BPI: variants seen among roughly 807,000 people sequenced by gnomAD.
BPI encodes bactericidal permeability increasing protein.
A neutral mutation model predicts 57.6 loss-of-function variants in BPI; 48 were observed. The ratio of observed to expected loss-of-function variants is 0.83; its 90% CI spans 0.66 to 1.06. The LOEUF (loss-of-function observed/expected upper bound fraction) is 1.06. BPI is among the 50% of genes least tolerant of loss of function. BPI has a pLI of 0.00. For missense variants in BPI, 651 were observed against 609.7 expected, an observed-to-expected ratio of 1.07 and a Z score of -0.71; for synonymous variants, 237 against 238.2, an observed-to-expected ratio of 0.99 and a Z score of 0.05.
In BPI at chr20:38,335,599, G is replaced by C. The variant is rs142119049; in HGVS notation, c.1338G>C (p.Glu446Asp). 6.2e-7 allele frequency: 1 copy of C among 1,613,838 alleles called. No homozygotes were observed. The highest frequency in any genetic ancestry group is 8.5e-7 in the Non-Finnish European group (1 of 1,179,842). The part of the protein sequence containing the change: ...VPILVLPRVN[E>D]KLQKGFPLPT... ...CCTCACCATCGGTCTCTGTCACAGA[G>C]AAACTACAGAAAGGCTTCCCTCTCC... Residue 446 changes from glutamate to aspartate, a missense_variant and splice_region_variant, in exon 14 of 15, where the codon GAG becomes GAC. By Grantham distance (45) the Glu-to-Asp change is conservative. Coordinates refer to ENST00000642449, the MANE Select transcript of BPI (RefSeq NM_001725.3).
chr20:38,322,221 A>T (rs2076689953), intron 7 of BPI, among the ~76,000 whole-genome samples: 1 of 152,136 alleles, frequency 6.6e-6, no homozygotes, highest in Non-Finnish European at 1.5e-5. Context: ...AGCTGCAGTG[A>T]TCATCCTTGC....
At chr20:38,334,759 C>A (rs533663232) in intron 13 of BPI, among the ~76,000 whole-genome samples, 4 of 152,174 alleles carry the variant, frequency 2.6e-5, no homozygotes, top group Non-Finnish European at 4.4e-5. Flanking sequence ...ACATCTCCAA[C>A]TTTTATGGCA....
chr20:38,335,754 T>C (rs1433392919), intron 14 of BPI, 80 bp downstream of exon 14: 15 of 1,418,702 alleles, frequency 1.1e-5, no homozygotes, highest in Non-Finnish European at 1.5e-5. Flanking sequence ...GCTTCCTGCA[T>C]GCCAAGCCCT....
intron 14 of BPI, among the ~76,000 whole-genome samples, 187 bp from the exon 15 acceptor site, chr20:38,336,959 C>T (rs566167247): frequency 8.5e-5 from 13 of 152,166 alleles, no homozygotes; most frequent in East Asian, 1.9e-4. Flanking sequence ...CTGACAGATT[C>T]GCAGATGTTG....
chr20:38,321,343 A>T (rs943066287), intron 7 of BPI, among the ~76,000 whole-genome samples: 5 of 151,794 alleles, frequency 3.3e-5, no homozygotes, highest in Admixed American at 2.6e-4. Context: ...TCCCTCCCTT[A>T]CTCACCACCC....
At chr20:38,319,100 T>C (rs2076668161) in intron 6 of BPI, among the ~76,000 whole-genome samples, 1 of 152,138 alleles carries the variant, frequency 6.6e-6, no homozygotes, top group Admixed American at 6.5e-5. Flanking sequence ...CCAGGCATCA[T>C]GGCAGGTGCC....
intron 5 of BPI, chr20:38,317,861 T>C (rs1253612743): frequency 1.6e-5 from 23 of 1,479,380 alleles, no homozygotes; most frequent in Non-Finnish European, 2.1e-5. Flanking sequence ...GTTTGTTCCA[T>C]TGTGAGTCAT....
At position 38,324,817 on chromosome 20, in the gene BPI, G is replaced by A. The variant is rs1254715225; in HGVS notation, c.977G>A (p.Gly326Glu). The change falls in exon 9 of 15, where the codon GGA becomes GAA. Residue 326 changes from glycine to glutamate, a missense_variant. Coordinates refer to ENST00000642449, the MANE Select transcript of BPI (RefSeq NM_001725.3). The part of the protein sequence containing the change: ...SKFRLTTKFF[G>E]TFLPEVAKKF... ...TTTCGACTGACAACCAAGTTCTTTG[G>A]AACCTTCCTACCTGAGGTATGGAAG... 6.2e-7 allele frequency: 1 copy of A among 1,612,992 alleles called. No individual in the cohort carries two copies. Among genetic ancestry groups the A allele is most frequent in the Admixed American group, 1.7e-5 (1 of 60,020 alleles).
At chr20:38,327,533 C>T in intron 10 of BPI, 55 bp from the exon 11 acceptor site, 1 of 1,602,064 alleles carries the variant, frequency 6.2e-7, no homozygotes, top group South Asian at 1.1e-5. Context: ...GTTTGGAGGC[C>T]TTGCAATCAG....
intron 5 of BPI, among the ~76,000 whole-genome samples, chr20:38,313,165 A>T (rs1231404857): frequency 6.6e-6 from 1 of 152,152 alleles, no homozygotes; most frequent in Non-Finnish European, 1.5e-5. Flanking sequence ...CAGGTGGATC[A>T]ACTGAGGTTA....
chr20:38,311,824 C>T, intron 4 of BPI, 50 bp from the exon 5 acceptor site: 1 of 1,581,504 alleles, frequency 6.3e-7, no homozygotes, highest in Non-Finnish European at 8.7e-7. Flanking sequence ...TGAATCCAGC[C>T]CAGGGACAAT....
At position 38,310,572 on chromosome 20, in the gene BPI, A is replaced by G; in HGVS notation, c.456A>G (p.Ser152=). Residue 152 remains serine (S), a synonymous_variant, in exon 4 of 15, where the codon TCA becomes TCG. Transcript: ENST00000642449. ...ADLKLGSNPT[S]GKPTITCSSC... is the part of the protein sequence containing the mutation. ...TGAAGCTGGGCAGTAACCCCACGTC[A>G]GGCAAGCCCACCATCACCTGCTCCA... 6.2e-7 allele frequency: 1 copy of G among 1,614,184 alleles called. No individual in the cohort carries two copies. The highest frequency in any genetic ancestry group is 8.5e-7 in the Non-Finnish European group (1 of 1,180,028).
At chr20:38,327,449 C>T in intron 10 of BPI, 139 bp from the exon 11 acceptor site, 1 of 819,048 alleles carries the variant, frequency 1.2e-6, no homozygotes. Flanking sequence ...AGTCTCCCCA[C>T]TCCTCTGGCT....
At chr20:38,322,903 C>T (rs2076693684) in intron 7 of BPI, among the ~76,000 whole-genome samples, 1 of 152,130 alleles carries the variant, frequency 6.6e-6, no homozygotes, top group South Asian at 2.1e-4. Flanking sequence ...AGCACTGTGC[C>T]CAGCCCATCT....
chr20:38,310,392 T>G, intron 3 of BPI, 99 bp from the exon 4 acceptor site: 2 of 1,404,826 alleles, frequency 1.4e-6, no homozygotes, highest in Admixed American at 3.7e-5. Flanking sequence ...TCACCTGGAG[T>G]GGGGATAATA....
chr20:38,309,028 G>A lies in BPI; in HGVS notation c.344G>A (p.Ser115Asn). 6.2e-7 allele frequency: 1 copy of A among 1,614,230 alleles called. No individual in the cohort carries two copies. The highest frequency in any genetic ancestry group is 8.5e-7 in the Non-Finnish European group (1 of 1,180,040). ...FSISNANIKI[S>N]GKWKAQKRFL... ...ATCAGCAACGCCAATATCAAGATCAGCGGGAAATGGAAGGCACAAAAGAGA... is the reference window on the plus strand; with the variant it reads ...ATCAGCAACGCCAATATCAAGATCAACGGGAAATGGAAGGCACAAAAGAGA... The change falls in exon 3 of 15, where the codon AGC becomes AAC. Residue 115 changes from serine (S) to asparagine (N), a missense_variant. Coordinates refer to ENST00000642449, the MANE Select transcript of BPI (RefSeq NM_001725.3).
At chr20:38,334,632 G>T in intron 13 of BPI, 139 bp downstream of exon 13, 1 of 832,842 alleles carries the variant, frequency 1.2e-6, no homozygotes, top group South Asian at 1.5e-5. Context: ...AATGGCATCT[G>T]ACCCAGAAAT....
At chr20:38,310,806 T>C (rs1003836341) in intron 4 of BPI, among the ~76,000 whole-genome samples, 154 bp downstream of exon 4, 5 of 152,262 alleles carry the variant, frequency 3.3e-5, no homozygotes, top group Non-Finnish European at 7.3e-5. Context: ...GGCCCACAGA[T>C]GAACCAGACA....
intron 5 of BPI, among the ~76,000 whole-genome samples, chr20:38,315,376 G>A (rs1370225658): frequency 6.6e-6 from 1 of 152,170 alleles, no homozygotes; most frequent in Non-Finnish European, 1.5e-5. Flanking sequence ...CAGGGAGTCT[G>A]CCCCCAGGGA....
Sources: allele counts gnomAD v4.1 joint callset (sites outside exome capture counted in the v4.1 genomes callset), GRCh38; gene constraint gnomAD v4.1.1; transcripts MANE v1.5; gene names NCBI Gene and HGNC (gene_info 2026-07-23, HGNC 2026-07-21).